Variants in EPX observed in about 807,000 individuals in gnomAD.
EPX encodes the protein eosinophil peroxidase.
A neutral mutation model predicts 73.0 loss-of-function variants in EPX; 60 were observed. The ratio of observed to expected loss-of-function variants is 0.82; its 90% CI spans 0.67 to 1.02. The LOEUF is 1.02. Ranked by LOEUF, EPX falls within the 50% of genes least tolerant of loss-of-function variation. The probability of loss-of-function intolerance (pLI) is 0.00; values close to 1 mark genes in which losing one functional copy is unlikely to be tolerated. For synonymous variants in EPX, 347 were observed against 389.2 expected, an observed-to-expected ratio of 0.89 and a Z score of 1.28; for missense variants, 950 against 973.9, an observed-to-expected ratio of 0.98 and a Z score of 0.33.
chr17:58,198,513 T>G (rs1968292664), intron 7 of EPX, among the ~76,000 whole-genome samples: 1 of 152,230 alleles, frequency 6.6e-6, no homozygotes, highest in Non-Finnish European at 1.5e-5. Context: ...TTTCTTTCCC[T>G]GCCTGTAGTA....
chr17:58,199,536 C>A lies in EPX; in HGVS notation c.1282-3C>A, dbSNP rs765079915. 6.2e-7 allele frequency: 1 copy of A among 1,614,134 alleles called. No homozygotes were observed. On this transcript the variant is annotated splice_region_variant and splice_polypyrimidine_tract_variant and intron_variant, in intron 8 of 12. Transcript: ENST00000225371. ...GGAATGTTCCTCCTGTCTTCCCTTC[C>A]AGATCATCACCTACCGAGACTTTCT...
chr17:58,193,736 G>A lies in EPX; in HGVS notation c.369G>A (p.Leu123=). 6.2e-7 allele frequency: 1 copy of A among 1,612,176 alleles called. No individual in the cohort carries two copies. Among genetic ancestry groups the A allele is most frequent in the Non-Finnish European group, 8.5e-7 (1 of 1,179,736 alleles). ...NVTDVLTEPQ[L]RLLSQASGCA... is the part of the protein sequence containing the mutation. ...CAGATGTGCTAACAGAACCACAGCT[G>A]CGGCTGCTGTCCCAGGCCAGTGGCT... The change falls in exon 4 of 13, where the codon CTG becomes CTA. Residue 123 remains leucine (L), a synonymous_variant. Transcript: ENST00000225371.
Position 58,204,724 on chromosome 17 carries a change from T to C in EPX, c.*12-12T>C. ...TAAATTCCTGACTTATCCAGTTCTG[T>C]TACTTCCACAGGAGTCTATCCCAAG... On this transcript the variant is annotated splice_polypyrimidine_tract_variant and intron_variant, in intron 12 of 12. Transcript: ENST00000225371. The C allele has an allele frequency of 2.5e-6, 1 of 401,674 alleles. No homozygotes were observed. The allele number at this position is 401,674 out of a possible 1,614,324, so 24.9% of individuals were successfully genotyped here. A position where few individuals can be genotyped will look rare whatever the true frequency, so the allele number is the denominator to read the frequency against.
At position 58,199,647 on chromosome 17, in the gene EPX, A is replaced by G. The variant is rs752776885; in HGVS notation, c.1390A>G (p.Asn464Asp). 1.2e-6 allele frequency: 2 copies of G among 1,614,192 alleles called. No individual in the cohort carries two copies. Among genetic ancestry groups the G allele is most frequent in the Non-Finnish European group, 1.7e-6 (2 of 1,180,040 alleles). The change falls in exon 9 of 13, where the codon AAT (asparagine) becomes GAT (aspartate). Residue 464 changes from asparagine (N) to aspartate (D), a missense_variant. By Grantham distance (23) the Asn-to-Asp change is conservative. Transcript: ENST00000225371. ...YCSNVDPRVA[N>D]VFTLAFRFGH... ...CTCCAATGTGGACCCACGGGTGGCC[A>G]ATGTCTTCACCCTGGCCTTCCGCTT...
chr17:58,202,877 C>T (rs1968360029), intron 10 of EPX: 3 of 618,042 alleles, frequency 4.9e-6, no homozygotes, highest in Non-Finnish European at 8.7e-6. Flanking sequence ...CTGATGCACA[C>T]TGAGCACAGT....
intron 12 of EPX, 97 bp from the exon 13 acceptor site, chr17:58,204,639 T>C: frequency 1.7e-6 from 1 of 586,974 alleles, no homozygotes; most frequent in Non-Finnish European, 3.0e-6. Context: ...ATTAGGAGCA[T>C]CCAACTATCC....
chr17:58,193,111 C>T lies in EPX; in HGVS notation c.150C>T (p.Ala50=). ...IAEAKLLVDA[A]YNWTQKSIKQ... is the part of the protein sequence containing the mutation. Reference sequence around the variant, plus strand: ...AGGCCAAGTTGCTGGTGGATGCTGCCTACAATTGGACCCAGAAGAGGTGGA... The same window carrying T: ...AGGCCAAGTTGCTGGTGGATGCTGCTTACAATTGGACCCAGAAGAGGTGGA... Residue 50 remains alanine (A), a synonymous_variant, in exon 2 of 13, where the codon GCC becomes GCT. Coordinates refer to ENST00000225371, the MANE Select transcript of EPX (RefSeq NM_000502.6). The T allele has an allele frequency of 6.2e-7, 1 of 1,611,780 alleles. No homozygotes were observed. Among genetic ancestry groups the T allele is most frequent in the African/African-American group, 1.3e-5 (1 of 75,010 alleles).
rs1968207308 is a variant in EPX, at chr17:58,193,518, C to G, written c.318C>G (p.Pro106=). 1.2e-6 allele frequency: 2 copies of G among 1,614,174 alleles called. No individual in the cohort carries two copies. The highest frequency in any genetic ancestry group is 1.7e-6 in the Non-Finnish European group (2 of 1,180,028). ...ALGLLEEKLQ[P]QRSGPFNVTD... ...GGCTGCTTGAAGAGAAGTTACAACC[C>G]CAGCGGTCCGGACCCTTCAATGTCA... The change falls in exon 3 of 13, where the codon CCC becomes CCG. Residue 106 remains proline, a synonymous_variant. Coordinates refer to ENST00000225371, the MANE Select transcript of EPX (RefSeq NM_000502.6).
intron 9 of EPX, 148 bp downstream of exon 9, chr17:58,199,942 G>A: frequency 1.1e-6 from 1 of 909,198 alleles, no homozygotes; most frequent in Non-Finnish European, 1.6e-6. Context: ...GCAGGTGCCA[G>A]CAAGACCCTC....
intron 6 of EPX, among the ~76,000 whole-genome samples, chr17:58,195,719 C>T (rs1427481827): frequency 6.6e-6 from 1 of 152,150 alleles, no homozygotes; most frequent in African/African-American, 2.4e-5. Flanking sequence ...CACGTGCACA[C>T]ACACGCTCCC....
At chr17:58,192,989 A>G (rs780065551) in intron 1 of EPX, 49 bp from the exon 2 acceptor site, 6 of 1,595,124 alleles carry the variant, frequency 3.8e-6, no homozygotes, top group Non-Finnish European at 5.2e-6. Flanking sequence ...TGGGTCTTGG[A>G]GGGGGTCTTG....
chr17:58,203,878 G>A (rs1968382545), intron 11 of EPX, among the ~76,000 whole-genome samples: 1 of 129,896 alleles, frequency 7.7e-6, no homozygotes, highest in Admixed American at 8.7e-5. Flanking sequence ...CTTGCAGTGA[G>A]CCGAGATCCT....
At chr17:58,201,205 T>C (rs1968337183) in intron 10 of EPX, among the ~76,000 whole-genome samples, 1 of 152,222 alleles carries the variant, frequency 6.6e-6, no homozygotes, top group Non-Finnish European at 1.5e-5. Flanking sequence ...TGCCCATGTA[T>C]GAAGCAGTGG....
At chr17:58,203,349 ACCAGAG>A in intron 11 of EPX, 31 bp downstream of exon 11, 4 of 1,425,534 alleles carry the variant, frequency 2.8e-6, no homozygotes, top group Non-Finnish European at 4.0e-6. Flanking sequence ...AGACATCAGC[ACCAGAG>A]GCAGAGCAGA....
intron 12 of EPX, 26 bp downstream of exon 12, chr17:58,204,460 C>G (rs762165252): frequency 6.8e-7 from 1 of 1,465,136 alleles, no homozygotes; most frequent in South Asian, 1.1e-5. Flanking sequence ...CTCCAGCACC[C>G]TGGGCTGGGT....
Position 58,199,844 on chromosome 17 carries a change from C to T in EPX, c.1537+50C>T, listed in dbSNP as rs768873229. 18 of 1,593,412 alleles carry T rather than the reference C, an allele frequency of 1.1e-5. No individual in the cohort carries two copies. In the African/African-American group the frequency reaches 1.7e-4, roughly 15 times the overall value. ...ATGGGGGTGAGGGTGGGGAGCATGC[C>T]CTCCCCTAGGTGGGCCAAGCTTACT... On this transcript the variant is annotated intron_variant, in intron 9 of 12. Transcript: ENST00000225371.
intron 11 of EPX, among the ~76,000 whole-genome samples, chr17:58,203,829 G>T (rs866360146): frequency 3.4e-4 from 51 of 148,424 alleles, no homozygotes; most frequent in Admixed American, 1.8e-3. Context: ...CTACTTGGGA[G>T]GCTGAGGCAG....
intron 6 of EPX, among the ~76,000 whole-genome samples, chr17:58,196,262 C>A (rs1968255658): frequency 1.3e-5 from 2 of 152,082 alleles, no homozygotes; most frequent in Admixed American, 6.6e-5. Flanking sequence ...CATGTGCCAA[C>A]AAGCCTGGCT....
intron 10 of EPX, among the ~76,000 whole-genome samples, chr17:58,201,478 TAC>T (rs1474847195): frequency 6.6e-6 from 1 of 152,144 alleles, no homozygotes; most frequent in Non-Finnish European, 1.5e-5. Flanking sequence ...GCATAAAACC[TAC>T]AGAGGTGGGG....
Sources: allele counts gnomAD v4.1 joint callset (sites outside exome capture counted in the v4.1 genomes callset), GRCh38; gene constraint gnomAD v4.1.1; transcripts MANE v1.5; gene names NCBI Gene and HGNC (gene_info 2026-07-23, HGNC 2026-07-21).